Variants in PRKG1 observed in about 807,000 individuals in gnomAD.
The protein encoded by PRKG1 is protein kinase cGMP-dependent 1.
Under a neutral mutation model 88.1 loss-of-function variants are expected in PRKG1, and 35 were observed. The observed-to-expected ratio is 0.40, with a 90% CI of 0.30 to 0.53. PRKG1 has a LOEUF of 0.53. Ranked by LOEUF, PRKG1 falls within the 20% of genes least tolerant of loss-of-function variation. The pLI is 0.59. For synonymous variants in PRKG1, 303 were observed against 292.5 expected, an observed-to-expected ratio of 1.04 and a Z score of -0.37; for missense variants, 540 against 839.8, an observed-to-expected ratio of 0.64 and a Z score of 4.41.
chr10:51,970,742 T>G (rs1254748387), intron 5 of PRKG1, among the ~76,000 whole-genome samples: 15 of 125,142 alleles, frequency 1.2e-4, no homozygotes, highest in Non-Finnish European at 2.0e-4. Context: ...TCAGATTATA[T>G]ATATATATCA....
At chr10:52,143,180 G>C (rs1334450931) in intron 8 of PRKG1, among the ~76,000 whole-genome samples, 1 of 152,128 alleles carries the variant, frequency 6.6e-6, no homozygotes, top group East Asian at 1.9e-4. Context: ...CTGTGAGAGA[G>C]AGCACCCAGT....
Position 52,293,929 on chromosome 10 carries a change from C to A in PRKG1, c.*29C>A. ...ATTTCTCTTACCTGCTTCTGCCTTG[C>A]TGAAGACAGCTTTTTCTGAGACACA... On this transcript the variant is annotated 3_prime_UTR_variant, in exon 18 of 18. Coordinates refer to ENST00000373980, the MANE Select transcript of PRKG1 (RefSeq NM_006258.4). 6.4e-7 allele frequency: 1 copy of A among 1,562,950 alleles called. No homozygotes were observed. Among genetic ancestry groups the A allele is most frequent in the South Asian group, 1.1e-5 (1 of 88,186 alleles).
intron 3 of PRKG1, among the ~76,000 whole-genome samples, chr10:51,759,336 G>A (rs112958500): frequency 1.3e-5 from 2 of 151,700 alleles, no homozygotes; most frequent in South Asian, 2.1e-4. Flanking sequence ...GTGCGATCTC[G>A]GCTCACTGCA....
At chr10:51,961,465 T>C (rs1364739863) in intron 5 of PRKG1, among the ~76,000 whole-genome samples, 1 of 152,174 alleles carries the variant, frequency 6.6e-6, no homozygotes, top group Non-Finnish European at 1.5e-5. Flanking sequence ...AAGTAAGGTG[T>C]GGTATATATG....
chr10:52,038,941 A>G (rs1407295062), intron 5 of PRKG1, among the ~76,000 whole-genome samples: 1 of 152,204 alleles, frequency 6.6e-6, no homozygotes, highest in Admixed American at 6.5e-5. Flanking sequence ...AGGTTGGAGA[A>G]GAGAGTAAGA....
At chr10:51,321,472 A>G (rs1841453823) in intron 2 of PRKG1, among the ~76,000 whole-genome samples, 2 of 152,174 alleles carry the variant, frequency 1.3e-5, no homozygotes, top group Admixed American at 6.5e-5. Context: ...AAAAATATGC[A>G]GTATAAATGC....
At chr10:52,126,962 A>G (rs1847945104) in intron 7 of PRKG1, among the ~76,000 whole-genome samples, 1 of 152,184 alleles carries the variant, frequency 6.6e-6, no homozygotes, top group African/African-American at 2.4e-5. Context: ...CAAAGAGTTG[A>G]CATGACTAGA....
intron 4 of PRKG1, among the ~76,000 whole-genome samples, chr10:51,856,472 C>A (rs546469432): frequency 6.6e-6 from 1 of 152,302 alleles, no homozygotes; most frequent in Non-Finnish European, 1.5e-5. Context: ...CATTGGGCTG[C>A]AGGAGTTCAA....
At chr10:51,399,967 G>A (rs967149198) in intron 2 of PRKG1, among the ~76,000 whole-genome samples, 3 of 152,060 alleles carry the variant, frequency 2.0e-5, no homozygotes, top group Non-Finnish European at 4.4e-5. Context: ...CATGGCTTCC[G>A]TTCATTCTCC....
chr10:51,502,533 G>A (rs959621087), intron 3 of PRKG1, among the ~76,000 whole-genome samples: 1 of 152,108 alleles, frequency 6.6e-6, no homozygotes, highest in South Asian at 2.1e-4. Context: ...TTCAGAAAAT[G>A]TATAGGATTT....
intron 2 of PRKG1, among the ~76,000 whole-genome samples, chr10:51,163,676 C>T (rs995618922): frequency 5.9e-5 from 9 of 152,300 alleles, no homozygotes; most frequent in South Asian, 2.1e-4. Context: ...CCTGGAAAAT[C>T]GGGTCACTCC....
chr10:52,033,595 G>A (rs1196772563), intron 5 of PRKG1, among the ~76,000 whole-genome samples: 1 of 152,116 alleles, frequency 6.6e-6, no homozygotes, highest in Non-Finnish European at 1.5e-5. Context: ...ATTTCCTTGA[G>A]TCTACCATTA....
At chr10:52,198,643 A>T (rs557863774) in intron 9 of PRKG1, among the ~76,000 whole-genome samples, 2 of 152,254 alleles carry the variant, frequency 1.3e-5, no homozygotes, top group Admixed American at 6.5e-5. Context: ...GAATTCCTAC[A>T]TTCCTGTCAC....
chr10:50,999,845 C>T (rs1247130776), intron 1 of PRKG1, among the ~76,000 whole-genome samples: 2 of 152,210 alleles, frequency 1.3e-5, no homozygotes, highest in Non-Finnish European at 2.9e-5. Flanking sequence ...TTTTGTATCT[C>T]AGGTTGTAAA....
chr10:52,256,984 G>A (rs1180022478), intron 10 of PRKG1, among the ~76,000 whole-genome samples: 1 of 138,876 alleles, frequency 7.2e-6, no homozygotes, highest in African/African-American at 2.5e-5. Flanking sequence ...CCTCTCAATG[G>A]GAAATCATTT....
At chr10:52,241,659 T>C (rs922576486) in intron 9 of PRKG1, among the ~76,000 whole-genome samples, 2 of 152,188 alleles carry the variant, frequency 1.3e-5, no homozygotes, top group African/African-American at 2.4e-5. Flanking sequence ...TCGCTGCTAG[T>C]AACCATAGAG....
intron 4 of PRKG1, among the ~76,000 whole-genome samples, chr10:51,859,255 T>A (rs144960297): frequency 0.021 from 3,214 of 152,258 alleles, 27 homozygotes; most frequent in Middle Eastern, 0.027. Context: ...TTATAGACAT[T>A]ATATACACCC....
chr10:51,155,411 G>A (rs1846181980), intron 2 of PRKG1, among the ~76,000 whole-genome samples: 2 of 151,952 alleles, frequency 1.3e-5, no homozygotes, highest in Non-Finnish European at 2.9e-5. Flanking sequence ...ACAATACTGT[G>A]AGGTAAAGGC....
intron 1 of PRKG1, among the ~76,000 whole-genome samples, chr10:51,086,973 A>T (rs1182925790): frequency 1.3e-5 from 2 of 152,200 alleles, no homozygotes; most frequent in African/African-American, 4.8e-5. Flanking sequence ...TCTCTGCAAG[A>T]TGGTCTTAGA....
Sources: allele counts gnomAD v4.1 joint callset (sites outside exome capture counted in the v4.1 genomes callset), GRCh38; gene constraint gnomAD v4.1.1; transcripts MANE v1.5; gene names NCBI Gene and HGNC (gene_info 2026-07-23, HGNC 2026-07-21).